The following ATAD3A variants were observed in gnomAD, a reference collection of about 807,000 sequenced individuals.
ATAD3A encodes ATPase family AAA domain containing 3A, also known as ATPase family AAA domain-containing protein 3A.
In ATAD3A, 46 loss-of-function variants were observed where a neutral mutation model predicts 73.8. The ratio of observed to expected loss-of-function variants is 0.62; its 90% confidence interval spans 0.49 to 0.80. ATAD3A has a LOEUF of 0.80. ATAD3A is among the 30% of genes least tolerant of loss of function. ATAD3A has a pLI of 0.00. For synonymous variants in ATAD3A, 319 were observed against 350.0 expected, an observed-to-expected ratio of 0.91 and a Z score of 0.99; for missense variants, 705 against 838.0, an observed-to-expected ratio of 0.84 and a Z score of 1.96.
chr1:1,518,418 G>C (rs1641447840), intron 4 of ATAD3A, among the ~76,000 whole-genome samples: 1 of 120,922 alleles, frequency 8.3e-6, no homozygotes, highest in African/African-American at 3.2e-5. Flanking sequence ...CCCATAGACG[G>C]ACACACACAC....
At chr1:1,524,541 C>A in intron 11 of ATAD3A, 144 bp downstream of exon 11, 1 of 821,660 alleles carries the variant, frequency 1.2e-6, no homozygotes, top group Non-Finnish European at 1.8e-6. Context: ...AGTGGAGGGT[C>A]CCTCGGAGGG....
chr1:1,520,251 G>A lies in ATAD3A; in HGVS notation c.625G>A (p.Glu209Lys), dbSNP rs775161107. The A allele has an allele frequency of 8.1e-6, 13 of 1,612,758 alleles. No individual in the cohort carries two copies. Among genetic ancestry groups the A allele is most frequent in the Non-Finnish European group, 1.1e-5 (13 of 1,179,670 alleles). Residue 209 changes from glutamate to lysine, a missense_variant, in exon 6 of 16, where the codon GAG (glutamate) becomes AAG (lysine). Transcript: ENST00000378756. This position sits in a 1 kb window ranked among gnomAD's most constrained non-coding sequence, Gnocchi z 4.0. ...AERENADIIR[E>K]QIRLKAAEHR... ...GCGGGAGAATGCAGACATCATCCGC[G>A]AGCAGATCCGCCTGAAGGCGGCCGA...
intron 12 of ATAD3A, among the ~76,000 whole-genome samples, chr1:1,525,594 T>TG (rs1278734340): frequency 1.3e-5 from 2 of 152,048 alleles, no homozygotes; most frequent in African/African-American, 4.8e-5. Context: ...TTTTGTGTTT[T>TG]TAGCAGAGAC....
chr1:1,514,688 A>G (rs918525819), intron 1 of ATAD3A, among the ~76,000 whole-genome samples: 3 of 152,114 alleles, frequency 2.0e-5, no homozygotes, highest in Non-Finnish European at 4.4e-5. Context: ...GTCACCTCCA[A>G]AAATTACACC....
chr1:1,525,956 C>T (rs1641827406), intron 12 of ATAD3A, among the ~76,000 whole-genome samples: 1 of 152,134 alleles, frequency 6.6e-6, no homozygotes. Flanking sequence ...GATTTGCCTC[C>T]CTTGACGTTC....
chr1:1,522,814 T>A lies in ATAD3A; in HGVS notation c.821T>A (p.Phe274Tyr). Residue 274 changes from phenylalanine to tyrosine, a missense_variant, in exon 8 of 16, where the codon TTC (phenylalanine) becomes TAC (tyrosine). By Grantham distance (22) the Phe-to-Tyr change is conservative. Transcript: ENST00000378756. ...AATGCCACGCTTGTCGCCGGCCGCT[T>A]CATCGAGGCTCGGCTGGGGAAGCCG... is the stretch of plus-strand genomic sequence containing the variant. Reference protein sequence around the residue: ...AKNATLVAGRFIEARLGKPSL... With the variant: ...AKNATLVAGRYIEARLGKPSL... The A allele has an allele frequency of 3.1e-6, 5 of 1,610,992 alleles. No individual in the cohort carries two copies. The highest frequency in any genetic ancestry group is 4.2e-6 in the Non-Finnish European group (5 of 1,179,748).
intron 15 of ATAD3A, among the ~76,000 whole-genome samples, chr1:1,529,679 G>T (rs1641970417): frequency 6.6e-6 from 1 of 152,242 alleles, no homozygotes. Flanking sequence ...ATGGTCGTTA[G>T]GACAGGCCCC....
At chr1:1,528,062 C>T (rs1288949849) in intron 14 of ATAD3A, among the ~76,000 whole-genome samples, 200 bp downstream of exon 14, 1 of 150,904 alleles carries the variant, frequency 6.6e-6, no homozygotes, top group East Asian at 2.0e-4. Context: ...CGGGTTCAAA[C>T]AATCCTCTTG....
chr1:1,523,732 A>T lies in ATAD3A; in HGVS notation c.964-107A>T. ...ATAGATAGGCTGCCCCTGAGGTGGG[A>T]GGCTTCCCGAGGAGCCGAGTCTGCA... On this transcript the variant is annotated intron_variant, in intron 9 of 15. Transcript: ENST00000378756. This position sits in a 1 kb window ranked among gnomAD's most constrained non-coding sequence, Gnocchi z 5.1. The T allele has an allele frequency of 6.3e-7, 1 of 1,589,026 alleles. No homozygotes were observed.
rs1278868758 is a variant in ATAD3A at position 1,516,025 on chromosome 1, C to G, written c.219C>G (p.Asp73Glu). ...TTGCGTCTGCAGGTTATGCCAAGGA[C>G]GCCCTGAATCTGGCACAGATGCAGG... ...RELEHSRYAKDALNLAQMQEQ... is the reference protein window; with the variant it reads ...RELEHSRYAKEALNLAQMQEQ... The change falls in exon 2 of 16, where the codon GAC becomes GAG. Residue 73 changes from aspartate to glutamate, a missense_variant. By Grantham distance (45) the Asp-to-Glu change is conservative. Coordinates refer to ENST00000378756, the MANE Select transcript of ATAD3A (RefSeq NM_001170535.3). 2.5e-6 allele frequency: 4 copies of G among 1,613,942 alleles called. No individual in the cohort carries two copies. The highest frequency in any genetic ancestry group is 1.7e-5 in the Admixed American group (1 of 60,000).
intron 15 of ATAD3A, among the ~76,000 whole-genome samples, chr1:1,530,464 G>A (rs1003896286): frequency 6.6e-6 from 1 of 152,152 alleles, no homozygotes; most frequent in Non-Finnish European, 1.5e-5. Flanking sequence ...AGTCCAGGAG[G>A]TGGAGGCTGC....
In ATAD3A at chr1:1,520,390, C is replaced by G; in HGVS notation, c.680+84C>G. On this transcript the variant is annotated intron_variant, in intron 6 of 15. Transcript: ENST00000378756. This position sits in a 1 kb window ranked among gnomAD's most constrained non-coding sequence, Gnocchi z 4.0. ...GGTCCCAGGGCGCTCTCCAGCTCTTCCAGGCCTTGCCGCCGTAGGCTGACT... is the reference window on the plus strand; with the variant it reads ...GGTCCCAGGGCGCTCTCCAGCTCTTGCAGGCCTTGCCGCCGTAGGCTGACT... The G allele has an allele frequency of 6.3e-7, 1 of 1,592,690 alleles. No homozygotes were observed. Among genetic ancestry groups the G allele is most frequent in the Non-Finnish European group, 8.6e-7 (1 of 1,166,452 alleles).
intron 15 of ATAD3A, among the ~76,000 whole-genome samples, chr1:1,530,905 A>T (rs573354837): frequency 6.6e-6 from 1 of 151,506 alleles, no homozygotes; most frequent in African/African-American, 2.4e-5. Context: ...TAATCCCAGC[A>T]CGTTGGGAGG....
Position 1,534,064 on chromosome 1 carries a change from C to G in ATAD3A, c.1753C>G (p.Pro585Ala). Residue 585 changes from proline to alanine, a missense_variant, in exon 16 of 16, where the codon CCA becomes GCA. This residue lies in a region of ATAD3A where 252 missense variants were observed against 278.5 expected (regional missense o/e 0.90). Coordinates refer to ENST00000378756, the MANE Select transcript of ATAD3A (RefSeq NM_001170535.3). The part of the protein sequence containing the change: ...EGPGRGDEPS[P>A]S Reference sequence around the variant, plus strand: ...GCCTGGGCGTGGGGACGAGCCCTCCCCATCCTGAGTCCACAGGGAGATCCA... The same window carrying G: ...GCCTGGGCGTGGGGACGAGCCCTCCGCATCCTGAGTCCACAGGGAGATCCA... 1 of 1,612,660 alleles carries G rather than the reference C, an allele frequency of 6.2e-7. No homozygotes were observed.
rs554586767 is a variant in ATAD3A at position 1,522,677 on chromosome 1, T to G, written c.751-67T>G. The G allele has an allele frequency of 1.9e-6, 3 of 1,596,664 alleles. No individual in the cohort carries two copies. The East Asian group carries it at 6.7e-5, about 36-fold the overall frequency. Reference sequence around the variant, plus strand: ...CGGAGAGAGGGTGGGGGCAGCCCCGTGCGTCTCCTGCTCTAAGAGGGAGGG... The same window carrying G: ...CGGAGAGAGGGTGGGGGCAGCCCCGGGCGTCTCCTGCTCTAAGAGGGAGGG... On this transcript the variant is annotated intron_variant, in intron 7 of 15. Coordinates refer to ENST00000378756, the MANE Select transcript of ATAD3A (RefSeq NM_001170535.3).
chr1:1,517,028 T>C (rs1641380935), intron 2 of ATAD3A: 4 of 1,435,438 alleles, frequency 2.8e-6, no homozygotes, highest in Middle Eastern at 2.6e-4. Flanking sequence ...GCAGGATTCC[T>C]AAAATAAGCA....
Position 1,516,018 on chromosome 1 carries a change from C to G in ATAD3A, c.212C>G (p.Ala71Gly), listed in dbSNP as rs765413679. The change falls in exon 2 of 16, where the codon GCC becomes GGC. Residue 71 changes from alanine to glycine, a missense_variant. This residue lies in a region of ATAD3A where 125 missense variants were observed against 170.6 expected (regional missense o/e 0.73). Transcript: ENST00000378756. Reference sequence around the variant, plus strand: ...CGTGTCCTTGCGTCTGCAGGTTATGCCAAGGACGCCCTGAATCTGGCACAG... The same window carrying G: ...CGTGTCCTTGCGTCTGCAGGTTATGGCAAGGACGCCCTGAATCTGGCACAG... ...AARELEHSRY[A>G]KDALNLAQMQ... 6.2e-6 allele frequency: 10 copies of G among 1,613,916 alleles called. No homozygotes were observed. Among genetic ancestry groups the G allele is most frequent in the Non-Finnish European group, 6.8e-6 (8 of 1,179,948 alleles).
intron 1 of ATAD3A, among the ~76,000 whole-genome samples, chr1:1,514,951 G>C (rs544380009): frequency 3.3e-5 from 5 of 152,152 alleles, no homozygotes; most frequent in Admixed American, 6.5e-5. Context: ...TCGGTTCATC[G>C]CAACATCCAC....
intron 15 of ATAD3A, among the ~76,000 whole-genome samples, chr1:1,530,625 C>T (rs1211144116): frequency 3.3e-5 from 4 of 121,764 alleles, no homozygotes; most frequent in Non-Finnish European, 6.0e-5. Context: ...GTCAGGAGAT[C>T]GAGACCATCC....
Sources: gnomAD v4.1 joint callset for allele counts (sites outside exome capture counted in the v4.1 genomes callset) on GRCh38, gnomAD v4.1.1 for gene constraint, gnomAD v4.1.1 regional missense constraint, Gnocchi (gnomAD v3.1) non-coding constraint, MANE v1.5 for transcripts, NCBI Gene and HGNC (gene_info 2026-07-23, HGNC 2026-07-21) for gene names.